The following NSUN6 variants were observed in gnomAD, a reference collection of about 807,000 sequenced individuals.
NSUN6 encodes the protein tRNA (cytosine(72)-C(5))-methyltransferase NSUN6.
In NSUN6, 64 loss-of-function variants were observed where a neutral mutation model predicts 58.0. The ratio of observed to expected loss-of-function variants is 1.10; its 90% CI spans 0.90 to 1.36. The LOEUF is 1.36. NSUN6 is among the 40% of genes most tolerant of loss of function. The pLI, the probability that NSUN6 is intolerant of heterozygous loss-of-function variation, is 0.00. For synonymous variants in NSUN6, 231 were observed against 193.9 expected (o/e 1.19, Z -1.59); for missense variants, 701 against 550.1 (o/e 1.27, Z -2.74).
upstream of NSUN6, chr10:18,651,646 G>A (rs907902981): frequency 1.0e-6 from 1 of 985,852 alleles, no homozygotes; most frequent in Non-Finnish European, 1.2e-6. Context: ...CTTACGTCAC[G>A]TCCGGCGCCT....
intron 8 of NSUN6, among the ~76,000 whole-genome samples, chr10:18,575,490 A>T (rs2056603398): frequency 6.6e-6 from 1 of 152,214 alleles, no homozygotes; most frequent in African/African-American, 2.4e-5. Context: ...GGTTTGTACT[A>T]ATAGAGAACA....
intron 8 of NSUN6, among the ~76,000 whole-genome samples, chr10:18,563,610 T>G (rs62636215): frequency 6.6e-6 from 1 of 150,860 alleles, no homozygotes; most frequent in Non-Finnish European, 1.5e-5. Flanking sequence ...ATTCCATTGC[T>G]TTTTCTATTC....
At chr10:18,636,506 A>G (rs1363842120) in intron 3 of NSUN6, among the ~76,000 whole-genome samples, 3 of 151,916 alleles carry the variant, frequency 2.0e-5, no homozygotes, top group African/African-American at 4.8e-5. Context: ...AAAACAAAAC[A>G]AAACAAAAAA....
At chr10:18,624,428 C>A (rs2058714943) in intron 3 of NSUN6, among the ~76,000 whole-genome samples, 1 of 151,726 alleles carries the variant, frequency 6.6e-6, no homozygotes, top group South Asian at 2.1e-4. Flanking sequence ...ATAATCCCAG[C>A]ACTTTGGGAG....
chr10:18,586,169 G>T (rs1039819292), intron 7 of NSUN6, 76 bp from the exon 8 acceptor site: 21 of 1,201,156 alleles, frequency 1.7e-5, no homozygotes, highest in Non-Finnish European at 2.4e-5. Flanking sequence ...TAAAAATAAT[G>T]AGAAAAACAT....
chr10:18,604,048 G>A (rs1482919094), intron 6 of NSUN6, among the ~76,000 whole-genome samples: 2 of 152,056 alleles, frequency 1.3e-5, no homozygotes, highest in Admixed American at 6.6e-5. Flanking sequence ...TGGGCATAGT[G>A]GCGGGGGCCT....
chr10:18,624,559 G>C (rs1464580501), intron 3 of NSUN6, among the ~76,000 whole-genome samples: 1 of 148,910 alleles, frequency 6.7e-6, no homozygotes, highest in Non-Finnish European at 1.5e-5. Flanking sequence ...GCTGAGGCAG[G>C]AGAATGGCGT....
intron 10 of NSUN6, among the ~76,000 whole-genome samples, chr10:18,546,452 C>T (rs1008232231): frequency 1.3e-5 from 2 of 152,208 alleles, no homozygotes; most frequent in East Asian, 3.8e-4. Flanking sequence ...AGCTCTACCA[C>T]ATTTTAGCTG....
chr10:18,563,461 T>C (rs2055692288), intron 8 of NSUN6, among the ~76,000 whole-genome samples: 1 of 149,724 alleles, frequency 6.7e-6, no homozygotes, highest in Non-Finnish European at 1.5e-5. Flanking sequence ...GGGAATGAAA[T>C]GGAGAACGGT....
At chr10:18,652,051 A>C, upstream of NSUN6, 1 of 985,406 alleles carries the variant, frequency 1.0e-6, no homozygotes, top group Non-Finnish European at 1.2e-6. Context: ...TCAGTTGTGA[A>C]GTTCATAGGG....
At chr10:18,637,944 C>T (rs1230914204) in intron 3 of NSUN6, among the ~76,000 whole-genome samples, 1 of 152,154 alleles carries the variant, frequency 6.6e-6, no homozygotes, top group Non-Finnish European at 1.5e-5. Context: ...GATGTAAGCA[C>T]AGAGACAGTT....
intron 3 of NSUN6, among the ~76,000 whole-genome samples, chr10:18,625,799 T>C (rs529437655): frequency 6.8e-6 from 1 of 146,014 alleles, no homozygotes; most frequent in Non-Finnish European, 1.5e-5. Flanking sequence ...ACTGGCTAAA[T>C]GTCTAAAGTT....
At chr10:18,575,069 T>A (rs2056582279) in intron 8 of NSUN6, among the ~76,000 whole-genome samples, 1 of 152,114 alleles carries the variant, frequency 6.6e-6, no homozygotes, top group South Asian at 2.1e-4. Flanking sequence ...GAATTCAGAA[T>A]GAAAATGGAT....
At chr10:18,600,963 T>TAC (rs2057806138) in intron 6 of NSUN6, among the ~76,000 whole-genome samples, 2 of 71,530 alleles carry the variant, frequency 2.8e-5, no homozygotes, top group African/African-American at 9.4e-5. Context: ...TATATATACA[T>TAC]ATATATATAT....
chr10:18,583,695 A>T (rs2057002607), intron 8 of NSUN6, among the ~76,000 whole-genome samples: 1 of 152,180 alleles, frequency 6.6e-6, no homozygotes, highest in Non-Finnish European at 1.5e-5. Flanking sequence ...GGAAATTTTT[A>T]AAAAAGGATA....
chr10:18,569,516 CTCCAT>C (rs2056212023), intron 8 of NSUN6, among the ~76,000 whole-genome samples: 1 of 148,690 alleles, frequency 6.7e-6, no homozygotes. Flanking sequence ...CCATTCCATC[CTCCAT>C]TCCATTCCAT....
At chr10:18,601,725 G>A (rs184615036) in intron 6 of NSUN6, among the ~76,000 whole-genome samples, 239 of 152,240 alleles carry the variant, frequency 1.6e-3, no homozygotes, top group Non-Finnish European at 2.6e-3. Context: ...GCTCATGCCT[G>A]TAATCCCAGG....
intron 8 of NSUN6, among the ~76,000 whole-genome samples, chr10:18,555,429 C>G (rs2133448353): frequency 1.5e-5 from 2 of 131,270 alleles, no homozygotes; most frequent in African/African-American, 2.9e-5. Flanking sequence ...CTATGGAATG[C>G]ATTGGAGAAT....
In NSUN6 at chr10:18,609,874, T is replaced by C. The variant is rs2058171470; in HGVS notation, c.628A>G (p.Ser210Gly). The part of the protein sequence containing the change: ...EPVYLSPSFD[S>G]VLPRYLFLQN... ...AAAAATAAGTAACGGGGCAGTACAC[T>C]GTCAAATGAAGGGCTGAGATATACT... Residue 210 changes from serine (S) to glycine (G), a missense_variant, in exon 6 of 11, where the codon AGT becomes GGT. Physicochemically the swap from Ser to Gly is moderately conservative, Grantham distance 56 (BLOSUM62 0). Coordinates refer to ENST00000377304, the MANE Select transcript of NSUN6 (RefSeq NM_182543.5). 3.1e-6 allele frequency: 5 copies of C among 1,603,052 alleles called. No individual in the cohort carries two copies. The highest frequency in any genetic ancestry group is 2.7e-5 in the African/African-American group (2 of 74,864).
Sources: gnomAD v4.1 joint callset for allele counts (sites outside exome capture counted in the v4.1 genomes callset) on GRCh38, gnomAD v4.1.1 for gene constraint, MANE v1.5 for transcripts, NCBI Gene and HGNC (gene_info 2026-07-23, HGNC 2026-07-21) for gene names.